Variants in NCKAP5 observed in about 807,000 individuals in gnomAD.
NCKAP5 encodes nck-associated protein 5.
Under a neutral mutation model 167.0 loss-of-function variants are expected in NCKAP5, and 92 were observed. The observed-to-expected ratio is 0.55, with a 90% CI of 0.47 to 0.66. The LOEUF (loss-of-function observed/expected upper bound fraction) is 0.66. Ranked by LOEUF, NCKAP5 falls within the 30% of genes least tolerant of loss-of-function variation. The pLI is 0.00. For missense variants in NCKAP5, 2,378 were observed against 2,315.0 expected (o/e 1.03, Z -0.56); for synonymous variants, 891 against 877.4 (o/e 1.02, Z -0.27).
intron 6 of NCKAP5, among the ~76,000 whole-genome samples, chr2:133,096,584 T>C (rs1470405900): frequency 6.6e-6 from 1 of 152,194 alleles, no homozygotes; most frequent in Non-Finnish European, 1.5e-5. Flanking sequence ...AACATTTTTA[T>C]TTGACCTTTA....
intron 5 of NCKAP5, among the ~76,000 whole-genome samples, chr2:133,191,771 G>A (rs2085232222): frequency 6.6e-6 from 1 of 152,032 alleles, no homozygotes; most frequent in African/African-American, 2.4e-5. Context: ...CCTGTCATGG[G>A]GTTGGGGGGA....
At chr2:133,480,659 C>T (rs1680342208) in intron 3 of NCKAP5, among the ~76,000 whole-genome samples, 1 of 152,224 alleles carries the variant, frequency 6.6e-6, no homozygotes, top group Non-Finnish European at 1.5e-5. Flanking sequence ...GATTGACCCT[C>T]AGTTGCCCAC....
At chr2:133,470,030 C>G (rs536365640) in intron 3 of NCKAP5, among the ~76,000 whole-genome samples, 1 of 152,166 alleles carries the variant, frequency 6.6e-6, no homozygotes, top group Non-Finnish European at 1.5e-5. Flanking sequence ...CATTCTCCAT[C>G]CAGCTTTGTT....
intron 3 of NCKAP5, among the ~76,000 whole-genome samples, chr2:133,411,900 C>G (rs1378748066): frequency 6.6e-6 from 1 of 152,162 alleles, no homozygotes; most frequent in Non-Finnish European, 1.5e-5. Flanking sequence ...TTAAGAATCA[C>G]CATGTCTGCT....
chr2:132,684,930 C>T lies in NCKAP5; in HGVS notation c.5714-11625G>A, dbSNP rs370130427. ...GGCAGGCAGGCCTTCTCTTGCAAAA[C>T]GAGTAGCACAGTGACTGCGGAAGAC... is the stretch of plus-strand genomic sequence containing the variant. On this transcript the variant is annotated intron_variant, in intron 19 of 19. Coordinates refer to ENST00000409261, the MANE Select transcript of NCKAP5 (RefSeq NM_207363.3). Among the ~76,000 whole-genome samples, 14 of 152,306 alleles carry T rather than the reference C, an allele frequency of 9.2e-5. No homozygotes were observed. The South Asian group carries it at 1.0e-3, about 11-fold the overall frequency.
intron 3 of NCKAP5, among the ~76,000 whole-genome samples, chr2:133,427,872 C>T (rs1689912818): frequency 6.6e-6 from 1 of 151,918 alleles, no homozygotes; most frequent in African/African-American, 2.4e-5. Flanking sequence ...AAATTAAAAG[C>T]AAAATCCTGA....
intron 2 of NCKAP5, among the ~76,000 whole-genome samples, chr2:133,552,600 T>TG (rs1382736568): frequency 2.7e-5 from 2 of 75,172 alleles, no homozygotes; most frequent in African/African-American, 5.2e-5. Flanking sequence ...TGTGGTGGGG[T>TG]GGGGGGAGGG....
chr2:132,780,397 G>A (rs779975858), intron 15 of NCKAP5, among the ~76,000 whole-genome samples: 5 of 152,134 alleles, frequency 3.3e-5, no homozygotes, highest in Admixed American at 6.5e-5. Context: ...TGATCCGCCC[G>A]CCTCAGCCTC....
chr2:133,049,388 C>CA (rs1300088710), intron 6 of NCKAP5, among the ~76,000 whole-genome samples: 1 of 151,734 alleles, frequency 6.6e-6, no homozygotes, highest in East Asian at 1.9e-4. Flanking sequence ...TACTAAAATA[C>CA]AAAAAAATTA....
At chr2:133,547,742 A>G (rs1686870514) in intron 2 of NCKAP5, among the ~76,000 whole-genome samples, 1 of 149,474 alleles carries the variant, frequency 6.7e-6, no homozygotes, top group African/African-American at 2.5e-5. Flanking sequence ...CACCATCATC[A>G]AAGACCAAAA....
At chr2:133,128,172 T>C (rs2082464552) in intron 6 of NCKAP5, among the ~76,000 whole-genome samples, 1 of 152,326 alleles carries the variant, frequency 6.6e-6, no homozygotes, top group African/African-American at 2.4e-5. Context: ...ATATTATTTA[T>C]CACCGGTCAC....
At chr2:132,915,814 G>A (rs765936891) in intron 8 of NCKAP5, among the ~76,000 whole-genome samples, 81 of 152,114 alleles carry the variant, frequency 5.3e-4, no homozygotes, top group Non-Finnish European at 8.2e-4. Context: ...ATGGAAAAGA[G>A]CCAGCCACAC....
At chr2:132,975,879 G>A (rs2076964623) in intron 7 of NCKAP5, among the ~76,000 whole-genome samples, 1 of 152,044 alleles carries the variant, frequency 6.6e-6, no homozygotes, top group Admixed American at 6.6e-5. Context: ...ACAGGGTAGG[G>A]AAGCTGAGCT....
chr2:133,344,344 G>GT, intron 3 of NCKAP5, among the ~76,000 whole-genome samples: 1 of 150,242 alleles, frequency 6.7e-6, no homozygotes, highest in African/African-American at 2.5e-5. Context: ...GGAGGCAGAA[G>GT]TTGTAGTGAG....
intron 10 of NCKAP5, among the ~76,000 whole-genome samples, chr2:132,864,156 T>C (rs72847275): frequency 0.032 from 4,844 of 152,282 alleles, 119 homozygotes; most frequent in Middle Eastern, 0.058. Flanking sequence ...GGATCATGGC[T>C]CAAGGGAGAG....
chr2:133,099,806 G>C (rs1335020741), intron 6 of NCKAP5, among the ~76,000 whole-genome samples: 1 of 152,130 alleles, frequency 6.6e-6, no homozygotes, highest in Non-Finnish European at 1.5e-5. Context: ...CTAGAATAGG[G>C]GTTGGCCAAG....
the NCKAP5 span, among the ~76,000 whole-genome samples, chr2:133,642,455 G>C: frequency 6.6e-6 from 1 of 152,164 alleles, no homozygotes; most frequent in African/African-American, 2.4e-5. Context: ...GAATTTGGCA[G>C]TCTCTACCTG....
chr2:133,203,211 T>A (rs2085782697), intron 5 of NCKAP5, among the ~76,000 whole-genome samples: 1 of 152,046 alleles, frequency 6.6e-6, no homozygotes, highest in Non-Finnish European at 1.5e-5. Flanking sequence ...TATGCAGCCA[T>A]AAAAAAGGAT....
chr2:132,776,276 T>C (rs2104978842), intron 15 of NCKAP5, among the ~76,000 whole-genome samples: 1 of 152,338 alleles, frequency 6.6e-6, no homozygotes, highest in East Asian at 1.9e-4. Context: ...CATGCATGTG[T>C]GTGTGTATAA....
Sources: allele counts gnomAD v4.1 joint callset (sites outside exome capture counted in the v4.1 genomes callset), GRCh38; gene constraint gnomAD v4.1.1; transcripts MANE v1.5; gene names NCBI Gene and HGNC (gene_info 2026-07-23, HGNC 2026-07-21).